The following ADAMTS12 variants were observed in gnomAD, a reference collection of about 807,000 sequenced individuals.
The protein encoded by ADAMTS12 is A disintegrin and metalloproteinase with thrombospondin motifs 12.
Under a neutral mutation model 167.8 loss-of-function variants are expected in ADAMTS12, and 118 were observed. The ratio of observed to expected loss-of-function variants is 0.70; its 90% CI spans 0.61 to 0.82. ADAMTS12 has a LOEUF of 0.82. Ranked by LOEUF, ADAMTS12 falls within the 40% of genes least tolerant of loss-of-function variation. The pLI is 0.00. For missense variants in ADAMTS12, 1,916 were observed against 1,998.8 expected (o/e 0.96, Z 0.79); for synonymous variants, 704 against 716.9 (o/e 0.98, Z 0.29).
intron 2 of ADAMTS12, among the ~76,000 whole-genome samples, chr5:33,827,732 T>C (rs1274692174): frequency 7.3e-5 from 11 of 151,146 alleles, no homozygotes; most frequent in Non-Finnish European, 1.6e-4. Flanking sequence ...GATAGATAGA[T>C]AGATAGATAG....
chr5:33,839,129 A>T (rs1748644543), intron 2 of ADAMTS12, among the ~76,000 whole-genome samples: 1 of 152,210 alleles, frequency 6.6e-6, no homozygotes, highest in South Asian at 2.1e-4. Context: ...TGAGATCAAG[A>T]TCACAGGAGC....
At chr5:33,651,632 A>G (rs1338364072) in intron 7 of ADAMTS12, among the ~76,000 whole-genome samples, 1 of 152,176 alleles carries the variant, frequency 6.6e-6, no homozygotes, top group African/African-American at 2.4e-5. Flanking sequence ...GAGGCACCTT[A>G]ACAGTTTTTT....
intron 2 of ADAMTS12, among the ~76,000 whole-genome samples, chr5:33,757,961 A>G (rs1745223651): frequency 6.6e-6 from 1 of 152,178 alleles, no homozygotes; most frequent in Admixed American, 6.5e-5. Flanking sequence ...GTTACTCTAG[A>G]GTCCATCTGC....
chr5:33,792,619 C>T (rs1452933516), intron 2 of ADAMTS12, among the ~76,000 whole-genome samples: 1 of 152,176 alleles, frequency 6.6e-6, no homozygotes, highest in African/African-American at 2.4e-5. Context: ...CAACACCTGC[C>T]ACTGCAGCTA....
At chr5:33,748,999 C>A (rs1433748553) in intron 3 of ADAMTS12, among the ~76,000 whole-genome samples, 1 of 152,144 alleles carries the variant, frequency 6.6e-6, no homozygotes, top group Admixed American at 6.6e-5. Flanking sequence ...CACATATTGT[C>A]TGAGGAAGAG....
intron 21 of ADAMTS12, among the ~76,000 whole-genome samples, chr5:33,547,754 C>T (rs1244922891): frequency 6.6e-6 from 1 of 152,006 alleles, no homozygotes; most frequent in Admixed American, 6.5e-5. Flanking sequence ...AAGAATAGAC[C>T]TTTTTCATAA....
chr5:33,674,674 T>G (rs1322206785), intron 5 of ADAMTS12, among the ~76,000 whole-genome samples: 1 of 152,134 alleles, frequency 6.6e-6, no homozygotes, highest in Non-Finnish European at 1.5e-5. Context: ...CAGTGCAAAT[T>G]ATGGGACAAG....
intron 15 of ADAMTS12, among the ~76,000 whole-genome samples, 184 bp downstream of exon 15, chr5:33,615,644 T>C (rs1442422287): frequency 7.9e-5 from 12 of 151,558 alleles, no homozygotes; most frequent in Non-Finnish European, 1.5e-5. Context: ...GTTATGGGGG[T>C]TTCAGCAATA....
At chr5:33,806,164 A>C (rs926171470) in intron 2 of ADAMTS12, among the ~76,000 whole-genome samples, 2 of 152,244 alleles carry the variant, frequency 1.3e-5, no homozygotes, top group Non-Finnish European at 2.9e-5. Context: ...TATATAGGTC[A>C]TATGTACCTT....
chr5:33,879,682 A>G (rs896764249), intron 2 of ADAMTS12, among the ~76,000 whole-genome samples: 14 of 152,248 alleles, frequency 9.2e-5, no homozygotes, highest in African/African-American at 2.9e-4. Context: ...ATTTACAGAA[A>G]GAGGCAAAGC....
intron 2 of ADAMTS12, among the ~76,000 whole-genome samples, chr5:33,767,494 A>T (rs887097799): frequency 6.6e-6 from 1 of 152,154 alleles, no homozygotes; most frequent in Admixed American, 6.5e-5. Context: ...AGCCATATAG[A>T]ATGTATTACA....
chr5:33,813,232 G>C (rs1190786276), intron 2 of ADAMTS12, among the ~76,000 whole-genome samples: 3 of 152,154 alleles, frequency 2.0e-5, no homozygotes, highest in Admixed American at 1.3e-4. Context: ...TGTGCTGCCA[G>C]ATTTGTTTGT....
rs537533619 is a variant in ADAMTS12 at position 33,837,346 on chromosome 5, G to C, written c.489+43773C>G. ...ATGGAAGGACTGAGTGGCAATGGTG[G>C]AAAGTGGAGATGGGTCGGTTACTAG... On this transcript the variant is annotated intron_variant, in intron 2 of 23. Coordinates refer to ENST00000504830, the MANE Select transcript of ADAMTS12 (RefSeq NM_030955.4). 3.9e-5 allele frequency among the ~76,000 whole-genome samples: 6 copies of C among 152,348 alleles called. No homozygotes were observed. In the East Asian group the frequency reaches 1.2e-3, roughly 29 times the overall value.
intron 19 of ADAMTS12, among the ~76,000 whole-genome samples, chr5:33,568,075 G>A (rs956382365): frequency 6.6e-6 from 1 of 152,188 alleles, no homozygotes; most frequent in African/African-American, 2.4e-5. Flanking sequence ...ATGCTCATTA[G>A]CATAAAATCA....
intron 2 of ADAMTS12, among the ~76,000 whole-genome samples, chr5:33,774,445 CT>C (rs1047126832): frequency 6.6e-6 from 1 of 152,016 alleles, no homozygotes; most frequent in Admixed American, 6.6e-5. Flanking sequence ...AAAATCAAAA[CT>C]TTGAAATAAT....
At chr5:33,737,039 T>A (rs991616582) in intron 3 of ADAMTS12, among the ~76,000 whole-genome samples, 3 of 152,208 alleles carry the variant, frequency 2.0e-5, no homozygotes, top group Non-Finnish European at 4.4e-5. Context: ...TTCTACTTAC[T>A]GAGAAAAACT....
At chr5:33,648,332 T>C (rs1365258701) in intron 9 of ADAMTS12, among the ~76,000 whole-genome samples, 1 of 152,162 alleles carries the variant, frequency 6.6e-6, no homozygotes, top group Non-Finnish European at 1.5e-5. Flanking sequence ...GCAGTGACAG[T>C]GGTAATGAAG....
chr5:33,801,658 C>T (rs187990652), intron 2 of ADAMTS12, among the ~76,000 whole-genome samples: 1 of 152,310 alleles, frequency 6.6e-6, no homozygotes, highest in Admixed American at 6.5e-5. Context: ...ATTTACTAAG[C>T]ACTTACAGTG....
rs774893888 is a variant in ADAMTS12 at position 33,577,176 on chromosome 5, A to G, written c.2866-16T>C. ...AAACAGAACACTAGAAGAGAGAAAC[A>G]GCTGTTAGCCTGGCGAGAGAAGATG... On this transcript the variant is annotated splice_polypyrimidine_tract_variant and intron_variant, in intron 18 of 23. Coordinates refer to ENST00000504830, the MANE Select transcript of ADAMTS12 (RefSeq NM_030955.4). 3.1e-6 allele frequency: 5 copies of G among 1,614,028 alleles called. No individual in the cohort carries two copies. In the Admixed American group the frequency reaches 6.7e-5, roughly 22 times the overall value.
Sources: gnomAD v4.1 joint callset for allele counts (sites outside exome capture counted in the v4.1 genomes callset) on GRCh38, gnomAD v4.1.1 for gene constraint, MANE v1.5 for transcripts, NCBI Gene and HGNC (gene_info 2026-07-23, HGNC 2026-07-21) for gene names.